Variants in DOCK5 observed in about 807,000 individuals in gnomAD.
DOCK5 encodes dedicator of cytokinesis 5.
DOCK5 carries 142 observed loss-of-function variants against 251.8 expected under a neutral mutation model. The observed-to-expected ratio is 0.56, with a 90% CI of 0.49 to 0.65. The LOEUF is 0.65. DOCK5 is among the 30% of genes least tolerant of loss of function. The pLI is 0.00. For synonymous variants in DOCK5, 842 were observed against 835.5 expected, an observed-to-expected ratio of 1.01 and a Z score of -0.13; for missense variants, 2,111 against 2,312.3, an observed-to-expected ratio of 0.91 and a Z score of 1.79.
chr8:25,335,260 G>A (rs1805775778), intron 21 of DOCK5, among the ~76,000 whole-genome samples: 1 of 152,190 alleles, frequency 6.6e-6, no homozygotes, highest in South Asian at 2.1e-4. Context: ...CCACCCAGGA[G>A]CCTCACATCC....
chr8:25,319,901 C>A (rs2874389), intron 15 of DOCK5, among the ~76,000 whole-genome samples: 1 of 152,178 alleles, frequency 6.6e-6, no homozygotes, highest in East Asian at 1.9e-4. Flanking sequence ...TTGTGGTTGA[C>A]GTGATGGATA....
intron 1 of DOCK5, among the ~76,000 whole-genome samples, chr8:25,215,073 C>T (rs1317899867): frequency 2.0e-5 from 3 of 152,130 alleles, no homozygotes; most frequent in African/African-American, 4.8e-5. Context: ...GGAAAACATG[C>T]CTGTCCTGGA....
intron 1 of DOCK5, among the ~76,000 whole-genome samples, chr8:25,229,645 A>C (rs1157311814): frequency 6.6e-6 from 1 of 152,204 alleles, no homozygotes; most frequent in Non-Finnish European, 1.5e-5. Context: ...TATCTCAAAA[A>C]GAAAATTTTA....
chr8:25,410,939 A>AATGTGTGTGTGTGTGTGTGTGTG (rs1554513012), intron 51 of DOCK5, among the ~76,000 whole-genome samples: 3 of 102,054 alleles, frequency 2.9e-5, no homozygotes, highest in Non-Finnish European at 6.3e-5. Context: ...GAGAGAGAAA[A>AATGTGTGTGTGTGTGTGTGTGTG]TGTGTGTGTG....
chr8:25,262,209 G>A (rs748614564), intron 2 of DOCK5, among the ~76,000 whole-genome samples: 1 of 152,134 alleles, frequency 6.6e-6, no homozygotes, highest in East Asian at 1.9e-4. Flanking sequence ...CCTTACCAGT[G>A]ATTGGCACAG....
chr8:25,230,602 G>A (rs1408072340), intron 1 of DOCK5, among the ~76,000 whole-genome samples: 1 of 152,124 alleles, frequency 6.6e-6, no homozygotes. Flanking sequence ...TGTAACCCCA[G>A]CACTTTGGGA....
intron 1 of DOCK5, among the ~76,000 whole-genome samples, chr8:25,204,291 G>A (rs1510758): frequency 0.63 from 95,332 of 151,948 alleles, 32,541 homozygotes; most frequent in Non-Finnish European, 0.76. Flanking sequence ...GGGCATTTAG[G>A]TTTTTGGGGG....
At chr8:25,297,774 T>C (rs1011617345) in intron 7 of DOCK5, among the ~76,000 whole-genome samples, 2 of 152,144 alleles carry the variant, frequency 1.3e-5, no homozygotes, top group African/African-American at 4.8e-5. Flanking sequence ...AATCCATGCA[T>C]GGTGCCTCAT....
intron 16 of DOCK5, 25 bp from the exon 17 acceptor site, chr8:25,323,823 C>G: frequency 6.2e-7 from 1 of 1,607,222 alleles, no homozygotes; most frequent in African/African-American, 1.3e-5. Context: ...CTGCACTGCT[C>G]AGACATGTCT....
At chr8:25,346,309 T>TAAC (rs1800365790) in intron 26 of DOCK5, among the ~76,000 whole-genome samples, 1 of 151,574 alleles carries the variant, frequency 6.6e-6, no homozygotes, top group Non-Finnish European at 1.5e-5. Flanking sequence ...CTCTAAAAAA[T>TAAC]AATAATAATA....
chr8:25,266,049 A>G (rs1803738178), intron 2 of DOCK5, among the ~76,000 whole-genome samples: 1 of 151,794 alleles, frequency 6.6e-6, no homozygotes, highest in Non-Finnish European at 1.5e-5. Context: ...TGCAACTGTC[A>G]TTTCCCCTAA....
At chr8:25,283,711 T>C (rs1049850660) in intron 5 of DOCK5, among the ~76,000 whole-genome samples, 2 of 152,172 alleles carry the variant, frequency 1.3e-5, no homozygotes, top group African/African-American at 4.8e-5. Context: ...GGAACAATTA[T>C]CTTAGGCAAA....
chr8:25,381,387 G>A (rs1311076596), intron 39 of DOCK5, among the ~76,000 whole-genome samples: 2 of 152,140 alleles, frequency 1.3e-5, no homozygotes, highest in African/African-American at 2.4e-5. Flanking sequence ...AACTTTGGGA[G>A]GCCAAGGCAG....
At chr8:25,325,788 T>C (rs549148500) in intron 18 of DOCK5, among the ~76,000 whole-genome samples, 11 of 152,334 alleles carry the variant, frequency 7.2e-5, no homozygotes, top group East Asian at 5.8e-4. Flanking sequence ...TAGTATTTAA[T>C]ATCTTAAAAC....
intron 5 of DOCK5, among the ~76,000 whole-genome samples, chr8:25,285,759 G>A (rs948754741): frequency 9.2e-5 from 14 of 152,210 alleles, no homozygotes; most frequent in South Asian, 2.1e-4. Flanking sequence ...TTTGAAACCA[G>A]CATCTTATTC....
At chr8:25,242,432 C>T (rs992119837) in intron 1 of DOCK5, among the ~76,000 whole-genome samples, 1 of 152,208 alleles carries the variant, frequency 6.6e-6, no homozygotes, top group South Asian at 2.1e-4. Flanking sequence ...TACATTCCTA[C>T]CAGCAATGCG....
At chr8:25,227,717 G>A (rs1802567173) in intron 1 of DOCK5, among the ~76,000 whole-genome samples, 1 of 152,160 alleles carries the variant, frequency 6.6e-6, no homozygotes, top group Non-Finnish European at 1.5e-5. Context: ...ATAATCTGGT[G>A]TGTGTATGTA....
intron 2 of DOCK5, among the ~76,000 whole-genome samples, chr8:25,252,989 G>T (rs79944669): frequency 1.3e-5 from 2 of 152,004 alleles, no homozygotes; most frequent in African/African-American, 4.8e-5. Flanking sequence ...GTGCCACCAC[G>T]CCCAGCTAAT....
chr8:25,232,553 G>A (rs1397480), intron 1 of DOCK5, among the ~76,000 whole-genome samples: 3,251 of 152,234 alleles, frequency 0.021, 102 homozygotes, highest in African/African-American at 0.073. Flanking sequence ...GGGCAGTCAG[G>A]TTCTGGTGAG....
Sources: allele counts gnomAD v4.1 joint callset (sites outside exome capture counted in the v4.1 genomes callset), GRCh38; gene constraint gnomAD v4.1.1; transcripts MANE v1.5; gene names NCBI Gene and HGNC (gene_info 2026-07-23, HGNC 2026-07-21).